PTPRB: variants seen among roughly 807,000 people sequenced by gnomAD.
The protein encoded by PTPRB is receptor-type tyrosine-protein phosphatase beta.
Under a neutral mutation model 238.1 loss-of-function variants are expected in PTPRB, and 97 were observed. That is an observed-to-expected ratio of 0.41 (90% confidence interval 0.35 to 0.48). PTPRB has a LOEUF of 0.48. Ranked by LOEUF, PTPRB falls within the 20% of genes least tolerant of loss-of-function variation. PTPRB has a pLI of 0.30. For synonymous variants in PTPRB, 970 were observed against 995.4 expected (o/e 0.97, Z 0.48); for missense variants, 2,292 against 2,681.9 (o/e 0.85, Z 3.21).
chr12:70,598,053 A>G (rs1441895985), intron 4 of PTPRB, among the ~76,000 whole-genome samples: 2 of 152,230 alleles, frequency 1.3e-5, no homozygotes, highest in Non-Finnish European at 2.9e-5. Flanking sequence ...AAAAATTAAC[A>G]GAGTGCCCGA....
rs774056893 is a variant in PTPRB at position 70,571,991 on chromosome 12, T to C, written c.2939A>G (p.Tyr980Cys). ...GTTTTTGTTTTTAATGGTGACTTCA[T>C]AGTGATCAAAGTCTCCAGTGGCATG... ...WVHATGDFDH[Y>C]EVTIKNKNNF... is the part of the protein sequence containing the mutation. The change falls in exon 12 of 34, where the codon TAT (tyrosine) becomes TGT (cysteine). Residue 980 changes from tyrosine to cysteine, a missense_variant. Physicochemically the swap from Tyr to Cys is radical, Grantham distance 194 (BLOSUM62 -2). Around this residue, in one of 4 missense-constraint regions of PTPRB, gnomAD observed 1,205 missense variants for 1,287.8 expected, o/e 0.94. Coordinates refer to ENST00000334414, the MANE Select transcript of PTPRB (RefSeq NM_001109754.4). The C allele has an allele frequency of 1.9e-6, 3 of 1,613,940 alleles. No homozygotes were observed. The highest frequency in any genetic ancestry group is 2.5e-6 in the Non-Finnish European group (3 of 1,179,838).
intron 4 of PTPRB, 183 bp downstream of exon 4, chr12:70,608,886 A>G: frequency 1.1e-6 from 1 of 871,744 alleles, no homozygotes; most frequent in Non-Finnish European, 1.7e-6. Context: ...GGAGTCTCTG[A>G]AAGTCCACCA....
chr12:70,601,422 T>C (rs1883477651), intron 4 of PTPRB, among the ~76,000 whole-genome samples: 1 of 152,184 alleles, frequency 6.6e-6, no homozygotes, highest in Non-Finnish European at 1.5e-5. Flanking sequence ...TATTTCAGGA[T>C]AAAGTCTAAG....
In PTPRB at chr12:70,636,005, G is replaced by C; in HGVS notation, c.117C>G (p.Val39=). 6.2e-7 allele frequency: 1 copy of C among 1,613,412 alleles called. No homozygotes were observed. Among genetic ancestry groups the C allele is most frequent in the Non-Finnish European group, 8.5e-7 (1 of 1,179,708 alleles). Residue 39 remains valine (V), a synonymous_variant, in exon 2 of 34, where the codon GTC becomes GTG. Transcript: ENST00000334414. ...GGATGGTCCTGTTGCATGAGCCCAC[G>C]ACCACTTTCTCATTTTTGAAAAGAC... The part of the protein sequence containing the change: ...QQCLFKNEKV[V]VGSCNRTIQN...
At chr12:70,626,019 C>T (rs968231810) in intron 2 of PTPRB, among the ~76,000 whole-genome samples, 4 of 151,888 alleles carry the variant, frequency 2.6e-5, no homozygotes, top group Admixed American at 6.6e-5. Context: ...TCATCTATGG[C>T]TCAGAAATAA....
In PTPRB at chr12:70,566,579, T is replaced by C; in HGVS notation, c.3760A>G (p.Ile1254Val). ...GGCTCTGATGTGTTGCGCAGAAGGA[T>C]TCCATTTTCAGTTAGAAGCAGGATA... is the stretch of plus-strand genomic sequence containing the variant. ...YDILLLTENG[I>V]LLRNTSEPAT... The change falls in exon 15 of 34, where the codon ATC becomes GTC. Residue 1254 changes from isoleucine to valine, a missense_variant. By Grantham distance (29) the Ile-to-Val change is conservative (BLOSUM62 3). Coordinates refer to ENST00000334414, the MANE Select transcript of PTPRB (RefSeq NM_001109754.4). 1 of 1,613,978 alleles carries C rather than the reference T, an allele frequency of 6.2e-7. No homozygotes were observed. The highest frequency in any genetic ancestry group is 8.5e-7 in the Non-Finnish European group (1 of 1,179,886).
intron 9 of PTPRB, among the ~76,000 whole-genome samples, chr12:70,583,879 A>C (rs989879974): frequency 1.3e-5 from 2 of 152,192 alleles, no homozygotes; most frequent in Non-Finnish European, 2.9e-5. Flanking sequence ...ACAGGCTTAC[A>C]GTAAAAAGAA....
In PTPRB at chr12:70,581,287, G is replaced by T. The variant is rs891200337; in HGVS notation, c.2327C>A (p.Thr776Asn). Residue 776 changes from threonine to asparagine, a missense_variant, in exon 10 of 34, where the codon ACT becomes AAT. Coordinates refer to ENST00000334414, the MANE Select transcript of PTPRB (RefSeq NM_001109754.4). ...TCCTTGGTTGGCCACATGCAAGTCA[G>T]TCACTTGGGCAGGCACTAAAACAGT... ...VKGRTVPAQVTDLHVANQGMT... is the reference protein window; with the variant it reads ...VKGRTVPAQVNDLHVANQGMT... 6.2e-6 allele frequency: 10 copies of T among 1,613,158 alleles called. No individual in the cohort carries two copies. The highest frequency in any genetic ancestry group is 8.5e-6 in the Non-Finnish European group (10 of 1,179,448).
chr12:70,552,480 T>G (rs1877022853), intron 21 of PTPRB, among the ~76,000 whole-genome samples: 1 of 38,024 alleles, frequency 2.6e-5, no homozygotes, highest in South Asian at 1.5e-3. Flanking sequence ...TAAGACTCTG[T>G]CTCAAAAAAA....
intron 31 of PTPRB, among the ~76,000 whole-genome samples, chr12:70,533,215 C>G (rs934790392): frequency 1.2e-4 from 18 of 152,200 alleles, no homozygotes; most frequent in African/African-American, 4.3e-4. Flanking sequence ...TAACAGTTCT[C>G]CAGTGGTCCT....
chr12:70,595,797 T>C (rs1028086721), intron 5 of PTPRB, among the ~76,000 whole-genome samples: 1 of 152,144 alleles, frequency 6.6e-6, no homozygotes, highest in Non-Finnish European at 1.5e-5. Flanking sequence ...CCATTCCAAG[T>C]TGGAGAAAAC....
At position 70,548,340 on chromosome 12, in the gene PTPRB, TCTCTCTCACACACACACACA is replaced by T. The variant is rs1242076103; in HGVS notation, c.5388-3697_5388-3678del. ...AAGACTCTCTCTCTCTCTCTCTCTC[TCTCTCTCACACACACACACA>T]CACACACACACACACACACACACAC... On this transcript the variant is annotated intron_variant, in intron 21 of 33. Transcript: ENST00000334414. Among the ~76,000 whole-genome samples, 284 of 58,124 alleles carry T rather than the reference TCTCTCTCACACACACACACA, an allele frequency of 4.9e-3. 1 individual carries two copies. The highest frequency in any genetic ancestry group is 0.024 in the African/African-American group (274 of 11,456). 38.1% of individuals were successfully genotyped at this position (58,124 alleles called of 152,430 possible).
At chr12:70,615,592 G>A (rs1264793204) in intron 3 of PTPRB, among the ~76,000 whole-genome samples, 1 of 152,152 alleles carries the variant, frequency 6.6e-6, no homozygotes, top group Admixed American at 6.5e-5. Context: ...AATCAGATGT[G>A]AGTGCAAGTG....
rs1392477218 is a variant in PTPRB at position 70,534,879 on chromosome 12, T to G, written c.6158A>C (p.Glu2053Ala). 2 of 1,613,952 alleles carry G rather than the reference T, an allele frequency of 1.2e-6. No individual in the cohort carries two copies. Among genetic ancestry groups the G allele is most frequent in the Non-Finnish European group, 1.7e-6 (2 of 1,179,872 alleles). ...YGDLILQMLS[E>A]SVLPEWTIRE... is the part of the protein sequence containing the mutation. ...GATGGTCCACTCAGGCAGGACGGAC[T>G]CTGAGAGCATCTGCAGGATGAGGTC... is the stretch of plus-strand genomic sequence containing the variant. Residue 2053 changes from glutamate (E) to alanine (A), a missense_variant, in exon 30 of 34, where the codon GAG becomes GCG. Around this residue, in one of 4 missense-constraint regions of PTPRB, gnomAD observed 397 missense variants for 502.0 expected, o/e 0.79. Coordinates refer to ENST00000334414, the MANE Select transcript of PTPRB (RefSeq NM_001109754.4).
At position 70,631,680 on chromosome 12, in the gene PTPRB, T is replaced by C. The variant is rs1178931492; in HGVS notation, c.451+3991A>G. Among the ~76,000 whole-genome samples the C allele has an allele frequency of 2.6e-5, 4 of 152,226 alleles. No individual in the cohort carries two copies. In the East Asian group the frequency reaches 7.7e-4, roughly 29 times the overall value. The stretch of plus-strand genomic sequence containing the variant: ...GGAGAAAATTTTTGCAATCTACCCA[T>C]ATGACAAAGGGCTAATATCCAGAAT... On this transcript the variant is annotated intron_variant, in intron 2 of 33. Transcript: ENST00000334414.
chr12:70,632,836 A>G (rs562444518), intron 2 of PTPRB, among the ~76,000 whole-genome samples: 1 of 152,316 alleles, frequency 6.6e-6, no homozygotes, highest in Non-Finnish European at 1.5e-5. Context: ...TTTATACTCT[A>G]GTATTAGTTA....
chr12:70,569,904 G>T lies in PTPRB; in HGVS notation c.3405C>A (p.Pro1135=). 1 of 1,611,886 alleles carries T rather than the reference G, an allele frequency of 6.2e-7. No individual in the cohort carries two copies. The highest frequency in any genetic ancestry group is 2.2e-5 in the East Asian group (1 of 44,866). ...CCGTCAGGCTATCTGTTGCTCCATT[G>T]GGAGAAATGTGAATATTTTTGACAG... ...PSAVKNIHIS[P]NGATDSLTVN... Residue 1135 remains proline, a synonymous_variant, in exon 14 of 34, where the codon CCC becomes CCA. Coordinates refer to ENST00000334414, the MANE Select transcript of PTPRB (RefSeq NM_001109754.4).
At position 70,552,889 on chromosome 12, in the gene PTPRB, A is replaced by G. The variant is rs1405815980; in HGVS notation, c.5275T>C (p.Ser1759Pro). 1.2e-6 allele frequency: 2 copies of G among 1,613,820 alleles called. No individual in the cohort carries two copies. Among genetic ancestry groups the G allele is most frequent in the Non-Finnish European group, 1.7e-6 (2 of 1,179,888 alleles). The stretch of plus-strand genomic sequence containing the variant: ...CCAAGCTTAATGTTAAAACTCTTGG[A>G]GTTGCTGTTAGGATTTTCGGCACAT... ...SKCAENPNSN[S>P]KSFNIKLGAE... The change falls in exon 21 of 34, where the codon TCC becomes CCC. Residue 1759 changes from serine to proline, a missense_variant. Ser to Pro is a moderately conservative substitution (Grantham distance 74). Around this residue, in one of 4 missense-constraint regions of PTPRB, gnomAD observed 683 missense variants for 862.0 expected, o/e 0.79. Transcript: ENST00000334414.
At chr12:70,561,751 G>C (rs1225642113) in intron 16 of PTPRB, among the ~76,000 whole-genome samples, 1 of 152,172 alleles carries the variant, frequency 6.6e-6, no homozygotes, top group African/African-American at 2.4e-5. Flanking sequence ...GCAGTTGCTT[G>C]TCCTGCCAAG....
Sources: allele counts gnomAD v4.1 joint callset (sites outside exome capture counted in the v4.1 genomes callset), GRCh38; gene constraint gnomAD v4.1.1; regional missense constraint gnomAD v4.1.1; transcripts MANE v1.5; gene names NCBI Gene and HGNC (gene_info 2026-07-23, HGNC 2026-07-21).